The following RADX variants were observed in gnomAD, a reference collection of about 807,000 sequenced individuals.
RADX encodes the protein RPA1 related single stranded DNA binding protein, X-linked.
Under a neutral mutation model 61.6 loss-of-function variants are expected in RADX, and 36 were observed. The observed-to-expected ratio is 0.58, with a 90% CI of 0.45 to 0.77. The LOEUF (loss-of-function observed/expected upper bound fraction) is 0.77. Among genes scored for constraint, RADX ranks in the 30% least tolerant of loss-of-function variants. The pLI is 0.00. For synonymous variants in RADX, 272 were observed against 237.9 expected (o/e 1.14, Z -1.32); for missense variants, 497 against 651.1 (o/e 0.76, Z 2.58).
At chrX:106,661,356 TTTGTTTTTTTTTC>T (rs1465605749) in intron 11 of RADX, among the ~76,000 whole-genome samples, 1 of 99,746 alleles carries the variant, frequency 1.0e-5, no homozygotes, top group Admixed American at 1.0e-4. Context: ...TCGTTTTTGT[TTTGTTTTTTTTTC>T]TTGTTTTTTT....
At chrX:106,643,813 A>G (rs949091149) in intron 10 of RADX, among the ~76,000 whole-genome samples, 3 of 111,728 alleles carry the variant, frequency 2.7e-5, no homozygotes, top group Non-Finnish European at 5.7e-5. Context: ...GTTTCTGTGA[A>G]GAATGTCATT....
At chrX:106,637,949 C>G (rs767048906) in intron 8 of RADX, 25 bp downstream of exon 8, 1 of 1,125,070 alleles carries the variant, frequency 8.9e-7, no homozygotes, top group African/African-American at 1.8e-5. Flanking sequence ...GCCAGTCCTT[C>G]TAAATATGTT....
At chrX:106,616,295 G>A (rs1926801039) in intron 1 of RADX, among the ~76,000 whole-genome samples, 1 of 111,370 alleles carries the variant, frequency 9.0e-6, no homozygotes, top group Non-Finnish European at 1.9e-5. Context: ...ATGTTTGTGT[G>A]TTCACCTTTT....
chrX:106,660,252 CATT>C (rs774015489), intron 11 of RADX, among the ~76,000 whole-genome samples: 29 of 111,631 alleles, frequency 2.6e-4, no homozygotes, highest in Admixed American at 5.7e-4. Flanking sequence ...TGTTATCAAT[CATT>C]ATTATAGGAA....
chrX:106,647,237 G>T (rs748166362), intron 10 of RADX, among the ~76,000 whole-genome samples: 66 of 110,992 alleles, frequency 5.9e-4, no homozygotes, highest in Non-Finnish European at 1.1e-3. Context: ...GTGAGAACAT[G>T]CAATGTTTAT....
intron 1 of RADX, among the ~76,000 whole-genome samples, chrX:106,621,880 T>C (rs1381270041): frequency 4.6e-5 from 5 of 108,875 alleles, no homozygotes; most frequent in Non-Finnish European, 9.5e-5. Flanking sequence ...CATATGAAAC[T>C]GAGGTGAAGG....
intron 1 of RADX, among the ~76,000 whole-genome samples, chrX:106,616,011 A>C (rs1243055974): frequency 1.8e-5 from 2 of 111,573 alleles, no homozygotes; most frequent in Non-Finnish European, 3.8e-5. Context: ...TTCTGTACTT[A>C]CAGAAATTAT....
intron 3 of RADX, among the ~76,000 whole-genome samples, chrX:106,627,646 T>C (rs1927104894): frequency 9.0e-6 from 1 of 110,935 alleles, no homozygotes; most frequent in African/African-American, 3.3e-5. Flanking sequence ...CAGCCTCTGG[T>C]AACCATCTTT....
At chrX:106,649,445 G>C (rs1927742377) in intron 11 of RADX, among the ~76,000 whole-genome samples, 1 of 111,482 alleles carries the variant, frequency 9.0e-6, no homozygotes, top group Non-Finnish European at 1.9e-5. Context: ...TGTCAGCTTG[G>C]TGATTAAACT....
In RADX at chrX:106,669,323, G is replaced by A. The variant is rs767226865; in HGVS notation, c.2430G>A (p.Ala810=). The A allele has an allele frequency of 8.5e-6, 10 of 1,177,596 alleles. No homozygotes were observed. Among genetic ancestry groups the A allele is most frequent in the South Asian group, 3.9e-5 (2 of 51,564 alleles). The change falls in exon 13 of 14, where the codon GCG becomes GCA. Residue 810 remains alanine (A), a synonymous_variant. Coordinates refer to ENST00000372548, the MANE Select transcript of RADX (RefSeq NM_018015.6). The part of the protein sequence containing the change: ...TGNDRLPGPR[A]VAGDIIKAAT... Reference sequence around the variant, plus strand: ...ATGACCGATTGCCAGGTCCAAGAGCGGTTGCAGGTAAAACAATCTCAGTGT... The same window carrying A: ...ATGACCGATTGCCAGGTCCAAGAGCAGTTGCAGGTAAAACAATCTCAGTGT...
chrX:106,651,252 A>G (rs1389289145), intron 11 of RADX, among the ~76,000 whole-genome samples: 1 of 111,457 alleles, frequency 9.0e-6, no homozygotes, highest in East Asian at 2.8e-4. Flanking sequence ...AACAAAGAAA[A>G]CAAAATTAGA....
chrX:106,637,983 G>A, intron 8 of RADX, 59 bp downstream of exon 8: 2 of 964,739 alleles, frequency 2.1e-6, no homozygotes, highest in Non-Finnish European at 2.9e-6. Flanking sequence ...TATGGCTTAT[G>A]CTATTTCAAT....
intron 12 of RADX, among the ~76,000 whole-genome samples, chrX:106,665,881 A>G (rs1434331261): frequency 4.5e-5 from 5 of 111,335 alleles, no homozygotes; most frequent in Non-Finnish European, 9.4e-5. Flanking sequence ...CCACAGTCCT[A>G]ATGGCTCTCA....
chrX:106,669,204 A>G lies in RADX; in HGVS notation c.2311A>G (p.Met771Val), dbSNP rs750833100. 8.3e-7 allele frequency: 1 copy of G among 1,203,373 alleles called. No individual in the cohort carries two copies. The highest frequency in any genetic ancestry group is 1.1e-6 in the Non-Finnish European group (1 of 888,168). Residue 771 changes from methionine (M) to valine (V), a missense_variant, in exon 13 of 14, where the codon ATG becomes GTG. Around this residue, in one of 3 missense-constraint regions of RADX, gnomAD observed 267 missense variants for 306.9 expected, o/e 0.87. Transcript: ENST00000372548. The part of the protein sequence containing the change: ...EIAIDVAFLP[M>V]YCPEDIRTSQ... ...AGCAATCGATGTTGCTTTCCTACCC[A>G]TGTATTGTCCAGAAGATATTCGAAC...
Position 106,678,176 on chromosome X carries a change from G to A in RADX, c.2486G>A (p.Gly829Asp). 8.5e-7 allele frequency: 1 copy of A among 1,173,909 alleles called. No homozygotes were observed. Among genetic ancestry groups the A allele is most frequent in the Non-Finnish European group, 1.2e-6 (1 of 861,415 alleles). ...GAACTGGATAGAGTGCATATCGTCG[G>A]TATCTTGGATATCTGTAATTTGGGT... ...ATELDRVHIV[G>D]ILDICNLGNN... is the part of the protein sequence containing the mutation. The change falls in exon 14 of 14, where the codon GGT becomes GAT. Residue 829 changes from glycine (G) to aspartate (D), a missense_variant. Coordinates refer to ENST00000372548, the MANE Select transcript of RADX (RefSeq NM_018015.6).
At chrX:106,634,363 A>G (rs7050960) in intron 6 of RADX, among the ~76,000 whole-genome samples, 11,809 of 110,579 alleles carry the variant, frequency 0.11, 1,550 homozygotes, top group African/African-American at 0.37. Flanking sequence ...CTCGAACTCA[A>G]CCTCAGGTGA....
chrX:106,669,273 G>A lies in RADX; in HGVS notation c.2380G>A (p.Ala794Thr). Residue 794 changes from alanine (A) to threonine (T), a missense_variant, in exon 13 of 14, where the codon GCA (alanine) becomes ACA (threonine). By Grantham distance (58) the Ala-to-Thr change is moderately conservative. Transcript: ENST00000372548. ...GTTGACCTCCATGAATTACAGCTGT[G>A]CATATCCACAGGACACAACTGGAAA... Reference protein sequence around the residue: ...TLLTSMNYSCAYPQDTTGNDR... With the variant: ...TLLTSMNYSCTYPQDTTGNDR... 1.7e-5 allele frequency: 20 copies of A among 1,205,037 alleles called. No individual in the cohort carries two copies. The highest frequency in any genetic ancestry group is 2.0e-5 in the Non-Finnish European group (18 of 890,131).
At chrX:106,653,771 G>C (rs1038773788) in intron 11 of RADX, among the ~76,000 whole-genome samples, 32 of 110,732 alleles carry the variant, frequency 2.9e-4, no homozygotes, top group African/African-American at 1.1e-3. Flanking sequence ...CCACTTGTTA[G>C]TGAGAACATG....
intron 6 of RADX, among the ~76,000 whole-genome samples, chrX:106,635,090 G>A (rs1927330662): frequency 9.0e-6 from 1 of 111,570 alleles, no homozygotes; most frequent in Non-Finnish European, 1.9e-5. Flanking sequence ...AAGAAGGGGA[G>A]CATGGCCAAA....
Sources: gnomAD v4.1 joint callset for allele counts (sites outside exome capture counted in the v4.1 genomes callset) on GRCh38, gnomAD v4.1.1 for gene constraint, gnomAD v4.1.1 regional missense constraint, MANE v1.5 for transcripts, NCBI Gene and HGNC (gene_info 2026-07-23, HGNC 2026-07-21) for gene names.